MERTK: variants seen among roughly 807,000 people sequenced by gnomAD.
The protein encoded by MERTK is MER proto-oncogene, tyrosine kinase, also known as tyrosine-protein kinase Mer.
MERTK carries 69 observed loss-of-function variants against 99.3 expected under a neutral mutation model. The observed-to-expected ratio is 0.70, with a 90% CI of 0.57 to 0.85. The LOEUF (loss-of-function observed/expected upper bound fraction) is 0.85. Ranked by LOEUF, MERTK falls within the 40% of genes least tolerant of loss-of-function variation. The pLI is 0.00. For synonymous variants in MERTK, 426 were observed against 467.6 expected, an observed-to-expected ratio of 0.91 and a Z score of 1.15; for missense variants, 1,125 against 1,249.4, an observed-to-expected ratio of 0.90 and a Z score of 1.50.
intron 2 of MERTK, among the ~76,000 whole-genome samples, chr2:111,936,711 T>A (rs1684770397): frequency 6.6e-6 from 1 of 152,158 alleles, no homozygotes; most frequent in African/African-American, 2.4e-5. Context: ...GGGCTGGGCC[T>A]CCTCCTTGGT....
chr2:111,917,060 C>T (rs901495027), intron 1 of MERTK, among the ~76,000 whole-genome samples: 1 of 152,174 alleles, frequency 6.6e-6, no homozygotes, highest in African/African-American at 2.4e-5. Context: ...CTGGCCTCCC[C>T]AAACACTAGA....
At chr2:111,982,478 G>T (rs1386238377) in intron 7 of MERTK, among the ~76,000 whole-genome samples, 1 of 152,096 alleles carries the variant, frequency 6.6e-6, no homozygotes, top group African/African-American at 2.4e-5. Context: ...AATCTCCTGG[G>T]CTCAAGGAAT....
intron 7 of MERTK, 42 bp from the exon 8 acceptor site, chr2:111,982,800 G>T: frequency 6.2e-7 from 1 of 1,607,894 alleles, no homozygotes; most frequent in Non-Finnish European, 8.5e-7. Flanking sequence ...ATCTGTGTGT[G>T]CTTTGTGGTT....
chr2:111,954,321 A>G (rs1351647701), intron 4 of MERTK, among the ~76,000 whole-genome samples: 1 of 152,156 alleles, frequency 6.6e-6, no homozygotes, highest in African/African-American at 2.4e-5. Context: ...CACTTGACAC[A>G]CAGATCACGG....
chr2:111,965,826 T>C (rs960143174), intron 5 of MERTK, among the ~76,000 whole-genome samples: 10 of 152,170 alleles, frequency 6.6e-5, no homozygotes, highest in Non-Finnish European at 1.3e-4. Flanking sequence ...CTCCTATCCC[T>C]CTTCCTCCTA....
At chr2:112,009,425 GA>G (rs1677049093) in intron 14 of MERTK, among the ~76,000 whole-genome samples, 1 of 152,134 alleles carries the variant, frequency 6.6e-6, no homozygotes, top group Non-Finnish European at 1.5e-5. Context: ...AAAATTTAGG[GA>G]TGTGAATTTT....
intron 7 of MERTK, among the ~76,000 whole-genome samples, chr2:111,977,065 A>G (rs2104735719): frequency 6.6e-6 from 1 of 152,308 alleles, no homozygotes; most frequent in African/African-American, 2.4e-5. Context: ...AGAGATTTAT[A>G]TAACCAGGAA....
rs56205303 is a variant in MERTK, at chr2:111,945,030, G to A, written c.553G>A (p.Val185Met). 1.4e-4 allele frequency: 218 copies of A among 1,613,362 alleles called. No individual in the cohort carries two copies. The highest frequency in any genetic ancestry group is 7.6e-4 in the South Asian group (69 of 91,068). Residue 185 changes from valine (V) to methionine (M), a missense_variant, in exon 3 of 19, where the codon GTG becomes ATG. Transcript: ENST00000295408. ...CKMKINNEEI[V>M]SDPIYIEVQG... is the part of the protein sequence containing the mutation. ...GATGAAAATAAACAATGAAGAGATC[G>A]TGTCTGATCCCATCTACATCGAAGT...
intron 18 of MERTK, among the ~76,000 whole-genome samples, chr2:112,027,201 A>T (rs1244751557): frequency 6.6e-6 from 1 of 151,418 alleles, no homozygotes; most frequent in Non-Finnish European, 1.5e-5. Context: ...ACACATTTTT[A>T]TATATATACA....
At chr2:111,939,654 ATTT>A (rs1184269274) in intron 2 of MERTK, among the ~76,000 whole-genome samples, 2 of 88,246 alleles carry the variant, frequency 2.3e-5, no homozygotes, top group African/African-American at 4.6e-5. Flanking sequence ...CTAATTTTTA[ATTT>A]TTTTTTTTTT....
intron 8 of MERTK, among the ~76,000 whole-genome samples, chr2:111,991,011 C>T (rs963741487): frequency 2.6e-5 from 4 of 152,198 alleles, no homozygotes; most frequent in African/African-American, 9.7e-5. Context: ...TGTTCCGCAT[C>T]AGGCCGTGAG....
chr2:111,927,542 C>T (rs1433847807), intron 1 of MERTK, among the ~76,000 whole-genome samples: 1 of 152,106 alleles, frequency 6.6e-6, no homozygotes, highest in South Asian at 2.1e-4. Context: ...CATGGTAGCA[C>T]GAGCCTATAG....
At chr2:111,899,624 T>A (rs902163154) in intron 1 of MERTK, among the ~76,000 whole-genome samples, 1 of 152,030 alleles carries the variant, frequency 6.6e-6, no homozygotes, top group Admixed American at 6.6e-5. Context: ...TTCAAGCGAT[T>A]CTCCTGCCTC....
chr2:111,931,878 A>G (rs1394593615), intron 2 of MERTK, among the ~76,000 whole-genome samples: 1 of 152,168 alleles, frequency 6.6e-6, no homozygotes, highest in Non-Finnish European at 1.5e-5. Context: ...CCAAAGGAAG[A>G]GATGGACTTG....
chr2:111,931,716 G>A (rs988854654), intron 2 of MERTK, among the ~76,000 whole-genome samples: 3 of 151,982 alleles, frequency 2.0e-5, no homozygotes, highest in African/African-American at 7.3e-5. Context: ...AAGTGAATGA[G>A]GAGTAGTTTA....
chr2:111,922,446 A>G (rs899966590), intron 1 of MERTK, among the ~76,000 whole-genome samples: 1 of 151,982 alleles, frequency 6.6e-6, no homozygotes. Context: ...TTTTCCTCTC[A>G]CTCATGGCTG....
At chr2:111,938,013 G>A (rs1684794033) in intron 2 of MERTK, among the ~76,000 whole-genome samples, 1 of 151,996 alleles carries the variant, frequency 6.6e-6, no homozygotes, top group South Asian at 2.1e-4. Context: ...AGCACACGTT[G>A]CACATCCATC....
At chr2:111,902,806 C>CTG (rs1684069804) in intron 1 of MERTK, among the ~76,000 whole-genome samples, 1 of 63,040 alleles carries the variant, frequency 1.6e-5, no homozygotes, top group East Asian at 5.4e-4. Flanking sequence ...CCCTCCCTCC[C>CTG]TCTATTTCTT....
At chr2:111,949,435 A>C (rs944247296) in intron 4 of MERTK, among the ~76,000 whole-genome samples, 1 of 152,228 alleles carries the variant, frequency 6.6e-6, no homozygotes, top group Non-Finnish European at 1.5e-5. Flanking sequence ...CTAACCCGTG[A>C]CTTCAGGAGG....
Sources: gnomAD v4.1 joint callset for allele counts (sites outside exome capture counted in the v4.1 genomes callset) on GRCh38, gnomAD v4.1.1 for gene constraint, MANE v1.5 for transcripts, NCBI Gene and HGNC (gene_info 2026-07-23, HGNC 2026-07-21) for gene names.